The following AP2A2 variants were observed in gnomAD, a reference collection of about 807,000 sequenced individuals.
AP2A2 encodes adaptor related protein complex 2 subunit alpha 2.
A neutral mutation model predicts 104.2 loss-of-function variants in AP2A2; 32 were observed. The ratio of observed to expected loss-of-function variants is 0.31; its 90% CI spans 0.23 to 0.41. The LOEUF is 0.41. Ranked by LOEUF, AP2A2 falls within the 10% of genes least tolerant of loss-of-function variation. AP2A2 has a pLI of 1.00. For missense variants in AP2A2, 912 were observed against 1,261.0 expected, an observed-to-expected ratio of 0.72 and a Z score of 4.19; for synonymous variants, 539 against 533.3, an observed-to-expected ratio of 1.01 and a Z score of -0.15.
chr11:974,933 CGA>C (rs1276027681), intron 4 of AP2A2, among the ~76,000 whole-genome samples: 3 of 152,106 alleles, frequency 2.0e-5, no homozygotes, highest in African/African-American at 7.2e-5. Flanking sequence ...TGCAGTGAGC[CGA>C]GATTGCTCCA....
chr11:1,000,491 G>T lies in AP2A2; in HGVS notation c.2016G>T (p.Ala672=). The T allele has an allele frequency of 6.5e-7, 1 of 1,539,802 alleles. No homozygotes were observed. Residue 672 remains alanine (A), a synonymous_variant, in exon 15 of 22, where the codon GCG becomes GCT. Coordinates refer to ENST00000448903, the MANE Select transcript of AP2A2 (RefSeq NM_012305.4). ...LGLGAAPPAP[A]GPPPSSGGSG... ...TCGGGGCTGCCCCCCCTGCCCCCGCGGGCCCCCCACCCTCCTCCGGCGGCA... is the reference window on the plus strand; with the variant it reads ...TCGGGGCTGCCCCCCCTGCCCCCGCTGGCCCCCCACCCTCCTCCGGCGGCA...
chr11:1,009,128 G>T lies in AP2A2; in HGVS notation c.2449G>T (p.Val817Leu), dbSNP rs1013356430. 4 of 1,613,290 alleles carry T rather than the reference G, an allele frequency of 2.5e-6. No individual in the cohort carries two copies. Among genetic ancestry groups the T allele is most frequent in the Non-Finnish European group, 3.4e-6 (4 of 1,179,862 alleles). The stretch of plus-strand genomic sequence containing the variant: ...TGGGGGCACCTTCCAGAACGTGTCT[G>T]TGCAGCTGCCCATCACTCTCAACAA... ...RYGGTFQNVSVQLPITLNKFF... is the reference protein window; with the variant it reads ...RYGGTFQNVSLQLPITLNKFF... The change falls in exon 19 of 22, where the codon GTG (valine) becomes TTG (leucine). Residue 817 changes from valine to leucine, a missense_variant. Around this residue, in one of 7 missense-constraint regions of AP2A2, gnomAD observed 239 missense variants for 329.8 expected, o/e 0.72. Transcript: ENST00000448903.
intron 14 of AP2A2, among the ~76,000 whole-genome samples, chr11:995,785 C>T (rs61867651): frequency 0.11 from 14,142 of 126,010 alleles, 1,292 homozygotes; most frequent in Middle Eastern, 0.16. Flanking sequence ...CTGTGCAGCC[C>T]CTGTCCCCCC....
chr11:962,221 G>A (rs1477737039), intron 2 of AP2A2, among the ~76,000 whole-genome samples: 1 of 152,256 alleles, frequency 6.6e-6, no homozygotes. Context: ...TGGGATCTGC[G>A]TCTGCTGTGC....
At chr11:973,453 G>C (rs1439549535) in intron 4 of AP2A2, among the ~76,000 whole-genome samples, 1 of 152,166 alleles carries the variant, frequency 6.6e-6, no homozygotes, top group African/African-American at 2.4e-5. Flanking sequence ...CAGAGAGACC[G>C]CAGCATAACC....
chr11:928,324 C>T (rs573699936), intron 1 of AP2A2, among the ~76,000 whole-genome samples: 5 of 152,324 alleles, frequency 3.3e-5, no homozygotes, highest in East Asian at 3.8e-4. Flanking sequence ...CTGTTAATCT[C>T]TTACTGTGCC....
chr11:956,425 C>T (rs1460191716), intron 1 of AP2A2, among the ~76,000 whole-genome samples: 1 of 152,098 alleles, frequency 6.6e-6, no homozygotes, highest in Non-Finnish European at 1.5e-5. Flanking sequence ...TGATGAGGCA[C>T]CACCATGCCT....
At chr11:981,600 GCAC>G (rs1855244485) in intron 6 of AP2A2, among the ~76,000 whole-genome samples, 1 of 152,240 alleles carries the variant, frequency 6.6e-6, no homozygotes, top group African/African-American at 2.4e-5. Flanking sequence ...CATCTGGCGT[GCAC>G]GCTAAAGCCT....
intron 14 of AP2A2, among the ~76,000 whole-genome samples, chr11:999,309 C>T (rs990820293): frequency 9.9e-5 from 15 of 152,070 alleles, no homozygotes; most frequent in African/African-American, 2.4e-4. Flanking sequence ...GTCAAGAGTT[C>T]GAGACCAACC....
At chr11:997,766 G>A (rs1022044594) in intron 14 of AP2A2, among the ~76,000 whole-genome samples, 1 of 152,154 alleles carries the variant, frequency 6.6e-6, no homozygotes, top group South Asian at 2.1e-4. Flanking sequence ...TTAGCCAGGT[G>A]TGGTGGTGTG....
intron 10 of AP2A2, among the ~76,000 whole-genome samples, chr11:991,351 G>A (rs964871922): frequency 6.6e-6 from 1 of 152,246 alleles, no homozygotes; most frequent in Admixed American, 6.5e-5. Flanking sequence ...GCTGGAGGAA[G>A]TGCCTCATGT....
Position 981,205 on chromosome 11 carries a change from T to C in AP2A2, c.611T>C (p.Val204Ala). 1.2e-6 allele frequency: 2 copies of C among 1,611,802 alleles called. No homozygotes were observed. The highest frequency in any genetic ancestry group is 1.7e-6 in the Non-Finnish European group (2 of 1,179,046). The stretch of plus-strand genomic sequence containing the variant: ...GTGTGTGTTTTCTTTCAGGGTGTGG[T>C]AACTGCAGCCACAAGTCTGATCACC... ...HLLNDQHLGV[V>A]TAATSLITTL... Residue 204 changes from valine to alanine, a missense_variant, in exon 6 of 22, where the codon GTA (valine) becomes GCA (alanine). Physicochemically the swap from Val to Ala is moderately conservative, Grantham distance 64. Coordinates refer to ENST00000448903, the MANE Select transcript of AP2A2 (RefSeq NM_012305.4).
At chr11:995,249 G>A (rs1347266147) in intron 14 of AP2A2, 1 of 454,228 alleles carries the variant, frequency 2.2e-6, no homozygotes, top group African/African-American at 2.0e-5. Context: ...GAGGTTTTAT[G>A]TAGTGAGTTG....
chr11:1,010,913 A>G lies in AP2A2; in HGVS notation c.*288A>G, dbSNP rs1856405572. ...GTGGTTAAATCTACAAATTAAAGGG[A>G]AATTAGAAGTTGGCGTGAACGTGGC... On this transcript the variant is annotated 3_prime_UTR_variant, in exon 22 of 22. Coordinates refer to ENST00000448903, the MANE Select transcript of AP2A2 (RefSeq NM_012305.4). 11 of 684,286 alleles carry G rather than the reference A, an allele frequency of 1.6e-5. No individual in the cohort carries two copies. The highest frequency in any genetic ancestry group is 2.9e-5 in the Non-Finnish European group (11 of 379,362). The allele number at this position is 684,286 out of a possible 1,614,324, so 42.4% of individuals were successfully genotyped here.
rs1453438315 is a variant in AP2A2 at position 1,000,098 on chromosome 11, G to A, written c.1957-334G>A. On this transcript the variant is annotated intron_variant, in intron 14 of 21. Transcript: ENST00000448903. ...TGGGATGACAGGTGTGAGCCACCGC[G>A]TCTGGCCTTTTTTTATGTCTTTCAT... is the stretch of plus-strand genomic sequence containing the variant. 2.6e-5 allele frequency among the ~76,000 whole-genome samples: 4 copies of A among 152,270 alleles called. No homozygotes were observed. In the East Asian group the frequency reaches 7.7e-4, roughly 29 times the overall value.
chr11:950,829 A>G (rs1450071291), intron 1 of AP2A2, among the ~76,000 whole-genome samples: 1 of 152,178 alleles, frequency 6.6e-6, no homozygotes, highest in Non-Finnish European at 1.5e-5. Context: ...TGTGGTGGCC[A>G]TACCTGTAAT....
At chr11:976,965 G>T (rs1855063153) in intron 4 of AP2A2, 130 bp from the exon 5 acceptor site, 2 of 1,286,890 alleles carry the variant, frequency 1.6e-6, no homozygotes, top group Admixed American at 2.2e-5. Context: ...TCGGCAGGCG[G>T]CCCTGAGTGC....
At chr11:929,529 T>C (rs1388292636) in intron 1 of AP2A2, among the ~76,000 whole-genome samples, 1 of 152,230 alleles carries the variant, frequency 6.6e-6, no homozygotes, top group Non-Finnish European at 1.5e-5. Flanking sequence ...TGAGCTGAAA[T>C]ATCGTTAAAG....
intron 14 of AP2A2, among the ~76,000 whole-genome samples, chr11:998,969 G>A (rs1855944585): frequency 6.6e-6 from 1 of 152,136 alleles, no homozygotes; most frequent in Non-Finnish European, 1.5e-5. Context: ...TGGGATTACA[G>A]GTGTGAGCCA....
Sources: gnomAD v4.1 joint callset for allele counts (sites outside exome capture counted in the v4.1 genomes callset) on GRCh38, gnomAD v4.1.1 for gene constraint, gnomAD v4.1.1 regional missense constraint, MANE v1.5 for transcripts, NCBI Gene and HGNC (gene_info 2026-07-23, HGNC 2026-07-21) for gene names.